Variants in AGAP1 observed in about 807,000 individuals in gnomAD.
AGAP1 encodes ArfGAP with GTPase domain, ankyrin repeat and PH domain 1.
AGAP1 carries 29 observed loss-of-function variants against 105.3 expected under a neutral mutation model. The ratio of observed to expected loss-of-function variants is 0.28; its 90% CI spans 0.21 to 0.38. AGAP1 has a LOEUF of 0.38. Among genes scored for constraint, AGAP1 ranks in the 10% least tolerant of loss-of-function variants. AGAP1 has a pLI of 1.00. For missense variants in AGAP1, 998 were observed against 1,165.1 expected, an observed-to-expected ratio of 0.86 and a Z score of 2.09; for synonymous variants, 509 against 485.9, an observed-to-expected ratio of 1.05 and a Z score of -0.63.
chr2:235,709,365 C>T lies in AGAP1; in HGVS notation c.222+128C>T, dbSNP rs181161853. On this transcript the variant is annotated intron_variant, in intron 2 of 17. Coordinates refer to ENST00000304032, the MANE Select transcript of AGAP1 (RefSeq NM_001037131.3). ...TGGAAGTGTGACTCTGGGTGTGTTCCTGGGAAGGGCCAGGTATAGTTGATA... is the reference window on the plus strand; with the variant it reads ...TGGAAGTGTGACTCTGGGTGTGTTCTTGGGAAGGGCCAGGTATAGTTGATA... The T allele has an allele frequency of 5.0e-4, 538 of 1,075,080 alleles. 4 individuals are homozygous for T. The African/African-American group carries it at 7.4e-3, about 15-fold the overall frequency. 66.6% of individuals were successfully genotyped at this position (1,075,080 alleles called of 1,614,324 possible). A position where few individuals can be genotyped will look rare whatever the true frequency, so the allele number is the denominator to read the frequency against.
intron 1 of AGAP1, among the ~76,000 whole-genome samples, chr2:235,572,992 T>C (rs145574374): frequency 3.3e-4 from 7 of 21,146 alleles, no homozygotes; most frequent in East Asian, 2.4e-3. Context: ...CTTCTTCTTC[T>C]TCTTCTTCTT....
In AGAP1 at chr2:235,710,144, T is replaced by C. The variant is rs150443435; in HGVS notation, c.222+907T>C. 2.0e-3 allele frequency among the ~76,000 whole-genome samples: 303 copies of C among 152,280 alleles called. 6 individuals carry two copies. Among genetic ancestry groups the C allele is most frequent in the Admixed American group, 0.018 (283 of 15,300 alleles). On this transcript the variant is annotated intron_variant, in intron 2 of 17. Transcript: ENST00000304032. Reference sequence around the variant, plus strand: ...GCCTAGTGTGTCTGTCCTCTGCATTTCTATTGATAGCACCAGATCCCCTGC... The same window carrying C: ...GCCTAGTGTGTCTGTCCTCTGCATTCCTATTGATAGCACCAGATCCCCTGC...
At position 236,104,944 on chromosome 2, in the gene AGAP1, C is replaced by T. The variant is rs534321993; in HGVS notation, c.2115-15248C>T. Among the ~76,000 whole-genome samples, 50 of 152,228 alleles carry T rather than the reference C, an allele frequency of 3.3e-4. No homozygotes were observed. The highest frequency in any genetic ancestry group is 1.2e-3 in the African/African-American group (50 of 41,536). ...AGCGTGCACAGAGCCCTCGAGGTACCAGAGCAGAGCTGTGGATGCCCGTCT... is the reference window on the plus strand; with the variant it reads ...AGCGTGCACAGAGCCCTCGAGGTACTAGAGCAGAGCTGTGGATGCCCGTCT... On this transcript the variant is annotated intron_variant, in intron 16 of 17. Coordinates refer to ENST00000304032, the MANE Select transcript of AGAP1 (RefSeq NM_001037131.3). The surrounding 1 kb of genome is among the most constrained non-coding windows in gnomAD (Gnocchi z 4.7).
rs142639052 is a variant in AGAP1, at chr2:235,872,661, A to G, written c.1051-10684A>G. ...CTTGGTCCTTAGAGTAGGAAGTGTG[A>G]AAGTTCGGACTGATTGAACATAGAG... is the stretch of plus-strand genomic sequence containing the variant. On this transcript the variant is annotated intron_variant, in intron 9 of 17. Transcript: ENST00000304032. This position sits in a 1 kb window ranked among gnomAD's most constrained non-coding sequence, Gnocchi z 4.5. 1.4e-3 allele frequency among the ~76,000 whole-genome samples: 215 copies of G among 152,284 alleles called. No homozygotes were observed. Among genetic ancestry groups the G allele is most frequent in the African/African-American group, 4.9e-3 (205 of 41,566 alleles).
intron 1 of AGAP1, among the ~76,000 whole-genome samples, chr2:235,498,868 C>G (rs1226681331): frequency 2.0e-5 from 3 of 152,206 alleles, no homozygotes; most frequent in Non-Finnish European, 4.4e-5. Context: ...GCAGGAGAAC[C>G]CTGCCCTGCA....
intron 16 of AGAP1, among the ~76,000 whole-genome samples, chr2:236,086,263 C>T (rs1210590488): frequency 6.6e-6 from 1 of 152,046 alleles, no homozygotes; most frequent in African/African-American, 2.4e-5. Context: ...CTAACGTGCC[C>T]CCCAATTTAC....
rs1424884367 is a variant in AGAP1, at chr2:235,883,537, TTG to T, written c.1155+90_1155+91del. ...GGGAACCTACCAGCAGCCCAGCCTC[TTG>T]TCTCTGTTTGAAGTGAAAGTCGTAT... is the stretch of plus-strand genomic sequence containing the variant. On this transcript the variant is annotated intron_variant, in intron 10 of 17. Transcript: ENST00000304032. This position sits in a 1 kb window ranked among gnomAD's most constrained non-coding sequence, Gnocchi z 4.5. 9.4e-7 allele frequency: 1 copy of T among 1,062,392 alleles called. No homozygotes were observed. The highest frequency in any genetic ancestry group is 1.6e-5 in the African/African-American group (1 of 62,680). The allele number at this position is 1,062,392 out of a possible 1,614,324, so 65.8% of individuals were successfully genotyped here.
In AGAP1 at chr2:235,981,743, G is replaced by A. The variant is rs943913635; in HGVS notation, c.1645+13120G>A. Among the ~76,000 whole-genome samples the A allele has an allele frequency of 6.6e-6, 1 of 152,114 alleles. No individual in the cohort carries two copies. Among genetic ancestry groups the A allele is most frequent in the African/African-American group, 2.4e-5 (1 of 41,410 alleles). On this transcript the variant is annotated intron_variant, in intron 13 of 17. Transcript: ENST00000304032. The surrounding 1 kb of genome is among the most constrained non-coding windows in gnomAD (Gnocchi z 5.5). ...CCGCATTTTTATAACTGAGGAAACC[G>A]AGGGTCATAAAGTTTAAGTAACTTG...
chr2:235,938,379 A>C lies in AGAP1; in HGVS notation c.1483+7456A>C, dbSNP rs550746542. Among the ~76,000 whole-genome samples, 5 of 152,332 alleles carry C rather than the reference A, an allele frequency of 3.3e-5. No individual in the cohort carries two copies. In the East Asian group the frequency reaches 7.7e-4, roughly 24 times the overall value. On this transcript the variant is annotated intron_variant, in intron 12 of 17. Transcript: ENST00000304032. The stretch of plus-strand genomic sequence containing the variant: ...TTCTCCTGCCCACCCGACCGCCTCC[A>C]AGAACGCTGGGTGCGCAGCGTGTCC...
At chr2:235,945,621 C>T (rs1048107772) in intron 12 of AGAP1, among the ~76,000 whole-genome samples, 2 of 152,100 alleles carry the variant, frequency 1.3e-5, no homozygotes, top group Non-Finnish European at 2.9e-5. Flanking sequence ...ATTTAAAATG[C>T]AGTTAAGCTT....
At chr2:235,816,924 A>G (rs1958493556) in intron 9 of AGAP1, among the ~76,000 whole-genome samples, 1 of 152,034 alleles carries the variant, frequency 6.6e-6, no homozygotes, top group African/African-American at 2.4e-5. Context: ...CAAGACTCCT[A>G]AGGAAATTGT....
rs1051590175 is a variant in AGAP1, at chr2:236,095,266, A to G, written c.2115-24926A>G. 1.3e-5 allele frequency among the ~76,000 whole-genome samples: 2 copies of G among 148,834 alleles called. No individual in the cohort carries two copies. Among genetic ancestry groups the G allele is most frequent in the African/African-American group, 5.0e-5 (2 of 40,142 alleles). On this transcript the variant is annotated intron_variant, in intron 16 of 17. Coordinates refer to ENST00000304032, the MANE Select transcript of AGAP1 (RefSeq NM_001037131.3). This position sits in a 1 kb window ranked among gnomAD's most constrained non-coding sequence, Gnocchi z 4.1. ...TTAAAAATTAGCCAGGCGTGGTTGCATGCACCTGTGGTCCCAGCTACTCGG... is the reference window on the plus strand; with the variant it reads ...TTAAAAATTAGCCAGGCGTGGTTGCGTGCACCTGTGGTCCCAGCTACTCGG...
rs1198334247 is a variant in AGAP1 at position 235,691,002 on chromosome 2, T to C, written c.164-18177T>C. On this transcript the variant is annotated intron_variant, in intron 1 of 17. Coordinates refer to ENST00000304032, the MANE Select transcript of AGAP1 (RefSeq NM_001037131.3). This position sits in a 1 kb window ranked among gnomAD's most constrained non-coding sequence, Gnocchi z 4.4. ...CGCTCACCACCTGGTTTTCTCCAAT[T>C]AGGCTATGAGCCTGTATCTTAGAAC... Among the ~76,000 whole-genome samples, 1 of 152,148 alleles carries C rather than the reference T, an allele frequency of 6.6e-6. No individual in the cohort carries two copies. The highest frequency in any genetic ancestry group is 2.4e-5 in the African/African-American group (1 of 41,444).
Position 235,648,764 on chromosome 2 carries a change from G to A in AGAP1, c.164-60415G>A, listed in dbSNP as rs187446823. On this transcript the variant is annotated intron_variant, in intron 1 of 17. Transcript: ENST00000304032. ...TAGCTGGGCATGGTGGCATGCGCCTGTAGCCCCAGCTACTCGGGAGGCTGA... is the reference window on the plus strand; with the variant it reads ...TAGCTGGGCATGGTGGCATGCGCCTATAGCCCCAGCTACTCGGGAGGCTGA... Among the ~76,000 whole-genome samples, 650 of 151,292 alleles carry A rather than the reference G, an allele frequency of 4.3e-3. 7 individuals are homozygous for A. The highest frequency in any genetic ancestry group is 0.015 in the African/African-American group (623 of 41,254).
At chr2:235,841,704 C>T (rs1960867579) in intron 9 of AGAP1, among the ~76,000 whole-genome samples, 1 of 152,178 alleles carries the variant, frequency 6.6e-6, no homozygotes, top group Admixed American at 6.5e-5. Context: ...ACACTTCGTA[C>T]ATGTTAGGCA....
At chr2:235,516,831 T>C (rs1400559543) in intron 1 of AGAP1, among the ~76,000 whole-genome samples, 1 of 152,230 alleles carries the variant, frequency 6.6e-6, no homozygotes, top group Non-Finnish European at 1.5e-5. Context: ...GGGACTCTGT[T>C]CCATCAGCTG....
chr2:235,824,649 C>T lies in AGAP1; in HGVS notation c.1050+17318C>T, dbSNP rs1559531446. 1.3e-5 allele frequency among the ~76,000 whole-genome samples: 2 copies of T among 152,184 alleles called. No homozygotes were observed. Among genetic ancestry groups the T allele is most frequent in the East Asian group, 3.9e-4 (2 of 5,166 alleles). On this transcript the variant is annotated intron_variant, in intron 9 of 17. Coordinates refer to ENST00000304032, the MANE Select transcript of AGAP1 (RefSeq NM_001037131.3). This position sits in a 1 kb window ranked among gnomAD's most constrained non-coding sequence, Gnocchi z 5.2. ...CCCTCGGGTCTGCATGCTCCTTTTC[C>T]CCCTTTTTGTTGTTGCATTCAGTTA...
chr2:236,063,533 C>T (rs2058263889), intron 16 of AGAP1, among the ~76,000 whole-genome samples: 1 of 152,236 alleles, frequency 6.6e-6, no homozygotes, highest in African/African-American at 2.4e-5. Context: ...GTTGTAAAAT[C>T]TTGACGAGAT....
intron 1 of AGAP1, among the ~76,000 whole-genome samples, chr2:235,545,268 A>C (rs77718417): frequency 0.04 from 6,162 of 152,346 alleles, 167 homozygotes; most frequent in Middle Eastern, 0.14. Flanking sequence ...TAAGTGTTCA[A>C]GAGTGTGATC....
Sources: gnomAD v4.1 joint callset for allele counts (sites outside exome capture counted in the v4.1 genomes callset) on GRCh38, gnomAD v4.1.1 for gene constraint, Gnocchi (gnomAD v3.1) non-coding constraint, MANE v1.5 for transcripts, NCBI Gene and HGNC (gene_info 2026-07-23, HGNC 2026-07-21) for gene names.